Variants in CXXC4 observed in about 807,000 individuals in gnomAD.
CXXC4 encodes CXXC finger protein 4, also known as CXXC-type zinc finger protein 4.
A neutral mutation model predicts 20.5 loss-of-function variants in CXXC4; 5 were observed. That is an observed-to-expected ratio of 0.24 (90% CI 0.13 to 0.51). The LOEUF is 0.51. Ranked by LOEUF, CXXC4 falls within the 20% of genes least tolerant of loss-of-function variation. The pLI is 0.97. For synonymous variants in CXXC4, 250 were observed against 216.4 expected, an observed-to-expected ratio of 1.16 and a Z score of -1.36; for missense variants, 419 against 496.4, an observed-to-expected ratio of 0.84 and a Z score of 1.48.
rs545861915 is a variant in CXXC4, at chr4:104,471,899, A to C, written c.*423T>G. ...AGACATGATTGTCTCCTTGTGTCTA[A>C]ACACACAAAATACAAGCTGCTATCT... On this transcript the variant is annotated 3_prime_UTR_variant, in exon 3 of 3. Coordinates refer to ENST00000394767, the MANE Select transcript of CXXC4 (RefSeq NM_025212.4). The C allele has an allele frequency of 6.5e-6, 1 of 153,356 alleles. No homozygotes were observed. Among genetic ancestry groups the C allele is most frequent in the African/African-American group, 2.4e-5 (1 of 41,612 alleles). 9.5% of individuals were successfully genotyped at this position (153,356 alleles called of 1,614,324 possible). A position where few individuals can be genotyped will look rare whatever the true frequency, so the allele number is the denominator to read the frequency against.
chr4:104,492,224 A>T (rs1444021215), intron 1 of CXXC4, among the ~76,000 whole-genome samples, 165 bp from the exon 2 acceptor site: 1 of 9,500 alleles, frequency 1.1e-4, no homozygotes, highest in Admixed American at 1.0e-3. Context: ...CATCCCCCCC[A>T]ACTCTCCCAA....
intron 2 of CXXC4, among the ~76,000 whole-genome samples, chr4:104,476,180 A>G (rs1055715626): frequency 6.6e-6 from 1 of 152,188 alleles, no homozygotes; most frequent in Non-Finnish European, 1.5e-5. Context: ...TTAAAATTTA[A>G]TAATGTTCCT....
intron 2 of CXXC4, among the ~76,000 whole-genome samples, chr4:104,479,347 T>C (rs1736497564): frequency 6.6e-6 from 1 of 152,182 alleles, no homozygotes; most frequent in Non-Finnish European, 1.5e-5. Context: ...ATAAAGTAGT[T>C]ACATTTAGCC....
At chr4:104,494,204 C>A (rs1251617690) in intron 1 of CXXC4, among the ~76,000 whole-genome samples, 1 of 152,308 alleles carries the variant, frequency 6.6e-6, no homozygotes, top group East Asian at 1.9e-4. Context: ...AAAACACACA[C>A]AAATAACTAT....
intron 2 of CXXC4, among the ~76,000 whole-genome samples, chr4:104,482,059 T>A (rs966175138): frequency 6.6e-6 from 1 of 152,204 alleles, no homozygotes; most frequent in Non-Finnish European, 1.5e-5. Flanking sequence ...TACATACACA[T>A]ACATTTCTTT....
chr4:104,481,169 T>C (rs1736549891), intron 2 of CXXC4, among the ~76,000 whole-genome samples: 1 of 152,144 alleles, frequency 6.6e-6, no homozygotes, highest in Non-Finnish European at 1.5e-5. Context: ...GATTCCAGAA[T>C]TTTCTAAAAT....
At position 104,491,822 on chromosome 4, in the gene CXXC4, G is replaced by C; in HGVS notation, c.-20C>G. ...GTTCATGGTGCAGGGGGGGAAGAAG[G>C]GGTGCAGGGTGGAAGTGGGGACCGC... On this transcript the variant is annotated 5_prime_UTR_variant, in exon 2 of 3. Transcript: ENST00000394767. 7.4e-7 allele frequency: 1 copy of C among 1,350,086 alleles called. No individual in the cohort carries two copies. Among genetic ancestry groups the C allele is most frequent in the Non-Finnish European group, 9.6e-7 (1 of 1,042,420 alleles). The allele number at this position is 1,350,086 out of a possible 1,614,324, so 83.6% of individuals were successfully genotyped here.
chr4:104,492,598 A>G (rs1736923302), intron 1 of CXXC4, among the ~76,000 whole-genome samples: 1 of 152,216 alleles, frequency 6.6e-6, no homozygotes, highest in Non-Finnish European at 1.5e-5. Flanking sequence ...AGCAAACACA[A>G]TACAACTGAG....
At position 104,492,004 on chromosome 4, in the gene CXXC4, C is replaced by A; in HGVS notation, c.-202G>T. On this transcript the variant is annotated 5_prime_UTR_variant, in exon 2 of 3. Coordinates refer to ENST00000394767, the MANE Select transcript of CXXC4 (RefSeq NM_025212.4). ...TATTCCTCTCTGGGGCTCATTTCCA[C>A]AGACGGTGAATTCCCAGGCAGCGTC... 1 of 397,824 alleles carries A rather than the reference C, an allele frequency of 2.5e-6. No individual in the cohort carries two copies. Among genetic ancestry groups the A allele is most frequent in the Non-Finnish European group, 4.4e-6 (1 of 225,188 alleles). The allele number at this position is 397,824 out of a possible 1,614,324, so 24.6% of individuals were successfully genotyped here.
At chr4:104,477,463 T>C (rs1277561484) in intron 2 of CXXC4, among the ~76,000 whole-genome samples, 1 of 152,040 alleles carries the variant, frequency 6.6e-6, no homozygotes. Context: ...CATAGTAATA[T>C]GAATCTTTGA....
chr4:104,469,834 T>C lies in CXXC4; in HGVS notation c.*2488A>G, dbSNP rs1041002951. On this transcript the variant is annotated 3_prime_UTR_variant, in exon 3 of 3. Transcript: ENST00000394767. ...TTCTCATTTCAGTAATCAACAAATTTTCTTTCATTAAAAAAATGAATTGAC... is the reference window on the plus strand; with the variant it reads ...TTCTCATTTCAGTAATCAACAAATTCTCTTTCATTAAAAAAATGAATTGAC... The C allele has an allele frequency of 6.6e-6, 1 of 152,032 alleles. No homozygotes were observed. Among genetic ancestry groups the C allele is most frequent in the Non-Finnish European group, 1.5e-5 (1 of 67,972 alleles). 9.4% of individuals were successfully genotyped at this position (152,032 alleles called of 1,614,324 possible).
At chr4:104,489,758 G>T (rs1483154358) in intron 2 of CXXC4, among the ~76,000 whole-genome samples, 1 of 152,010 alleles carries the variant, frequency 6.6e-6, no homozygotes, top group Non-Finnish European at 1.5e-5. Flanking sequence ...TTTATCAAAG[G>T]TATCAATCTC....
chr4:104,470,244 A>T lies in CXXC4; in HGVS notation c.*2078T>A, dbSNP rs1452607858. On this transcript the variant is annotated 3_prime_UTR_variant, in exon 3 of 3. Coordinates refer to ENST00000394767, the MANE Select transcript of CXXC4 (RefSeq NM_025212.4). ...AAATTCTAACTAGATAGAAACCCTC[A>T]AAGAAATATACATCAAGTAGAAAGC... The T allele has an allele frequency of 2.0e-5, 3 of 152,002 alleles. No individual in the cohort carries two copies. In the East Asian group the frequency reaches 5.8e-4, roughly 29 times the overall value. 9.4% of individuals were successfully genotyped at this position (152,002 alleles called of 1,614,324 possible).
intron 2 of CXXC4, among the ~76,000 whole-genome samples, chr4:104,483,382 C>G (rs1371910041): frequency 3.3e-5 from 5 of 151,940 alleles, no homozygotes; most frequent in Non-Finnish European, 5.9e-5. Flanking sequence ...CTTTGTTTCT[C>G]ATCTTTCTTG....
At chr4:104,476,203 T>C (rs1317562744) in intron 2 of CXXC4, among the ~76,000 whole-genome samples, 1 of 152,192 alleles carries the variant, frequency 6.6e-6, no homozygotes, top group African/African-American at 2.4e-5. Flanking sequence ...CAGATATATA[T>C]ATATTTCAGT....
intron 1 of CXXC4, among the ~76,000 whole-genome samples, chr4:104,493,903 GT>G: frequency 6.6e-6 from 1 of 152,222 alleles, no homozygotes; most frequent in Non-Finnish European, 1.5e-5. Flanking sequence ...ATCACATTGA[GT>G]GGAGGGAAAA....
chr4:104,490,112 C>A (rs2110279131), intron 2 of CXXC4, among the ~76,000 whole-genome samples: 1 of 152,300 alleles, frequency 6.6e-6, no homozygotes, highest in Middle Eastern at 3.4e-3. Context: ...AGGTAGAAAT[C>A]CGCTTCCTAC....
intron 2 of CXXC4, among the ~76,000 whole-genome samples, chr4:104,477,529 CA>C (rs1736443686): frequency 6.6e-6 from 1 of 151,932 alleles, no homozygotes; most frequent in Non-Finnish European, 1.5e-5. Context: ...ACCTCCCCCA[CA>C]AGTTTTTAGC....
rs924648643 is a variant in CXXC4 at position 104,491,428 on chromosome 4, TCCGCCGCCGCCGCCG to T, written c.360_374del (p.Gly130_Gly134del). ...CGCCCCCACCACCCCCGCCCCCGCC[TCCGCCGCCGCCGCCG>T]CCGCCGCCACCCCCCCCGCCGCCGC... On this transcript the variant is annotated inframe_deletion, in exon 2 of 3. Transcript: ENST00000394767. The T allele has an allele frequency of 4.4e-5, 36 of 823,366 alleles. No individual in the cohort carries two copies. The highest frequency in any genetic ancestry group is 4.8e-5 in the Non-Finnish European group (31 of 652,208). 51.0% of individuals were successfully genotyped at this position (823,366 alleles called of 1,614,324 possible).
Sources: allele counts gnomAD v4.1 joint callset (sites outside exome capture counted in the v4.1 genomes callset), GRCh38; gene constraint gnomAD v4.1.1; transcripts MANE v1.5; gene names NCBI Gene and HGNC (gene_info 2026-07-23, HGNC 2026-07-21).